The following RAD23B variants were observed in gnomAD, a reference collection of about 807,000 sequenced individuals.
The protein encoded by RAD23B is lysine-specific demethylase RAD23B.
Under a neutral mutation model 49.1 loss-of-function variants are expected in RAD23B, and 5 were observed. That is an observed-to-expected ratio of 0.10 (90% CI 0.05 to 0.21). The LOEUF is 0.21. Ranked by LOEUF, RAD23B falls within the 10% of genes least tolerant of loss-of-function variation. RAD23B has a pLI of 1.00. For synonymous variants in RAD23B, 184 were observed against 165.4 expected (o/e 1.11, Z -0.86); for missense variants, 356 against 486.7 (o/e 0.73, Z 2.53).
At chr9:107,312,630 C>G (rs10978791) in intron 5 of RAD23B, among the ~76,000 whole-genome samples, 24,870 of 152,172 alleles carry the variant, frequency 0.16, 2,413 homozygotes, top group Admixed American at 0.23. Context: ...CTTTGAGGAG[C>G]AGTGTCCTAA....
chr9:107,302,518 A>G (rs1326617473), intron 3 of RAD23B, among the ~76,000 whole-genome samples: 1 of 152,178 alleles, frequency 6.6e-6, no homozygotes, highest in African/African-American at 2.4e-5. Flanking sequence ...AGATTCCTCA[A>G]GACAGAAAAG....
intron 1 of RAD23B, chr9:107,284,087 CCT>C (rs983171984): frequency 2.2e-5 from 22 of 1,005,800 alleles, no homozygotes; most frequent in Non-Finnish European, 1.5e-5. Flanking sequence ...CGCCACTACC[CCT>C]GTGTGGACCT....
chr9:107,283,687 G>C lies in RAD23B; in HGVS notation c.58G>C (p.Glu20Gln), dbSNP rs922886223. Residue 20 changes from glutamate to glutamine, a missense_variant, in exon 1 of 10, where the codon GAG becomes CAG. Glu to Gln is a conservative substitution (Grantham distance 29). This residue lies in a region of RAD23B where 31 missense variants were observed against 23.5 expected (regional missense o/e 1.32). Transcript: ENST00000358015. ...QQTFKIDIDP[E>Q]ETVKALKEKI... ...GACCTTCAAGATAGACATTGACCCCGAGGAGACGGTATGCGCGCGGGCCGG... is the reference window on the plus strand; with the variant it reads ...GACCTTCAAGATAGACATTGACCCCCAGGAGACGGTATGCGCGCGGGCCGG... The C allele has an allele frequency of 1.4e-6, 2 of 1,471,494 alleles. No individual in the cohort carries two copies. The highest frequency in any genetic ancestry group is 1.8e-6 in the Non-Finnish European group (2 of 1,107,956). 91.2% of individuals were successfully genotyped at this position (1,471,494 alleles called of 1,614,324 possible).
At position 107,323,956 on chromosome 9, in the gene RAD23B, A is replaced by G; in HGVS notation, c.884A>G (p.Asn295Ser). The G allele has an allele frequency of 6.2e-7, 1 of 1,612,962 alleles. No individual in the cohort carries two copies. Residue 295 changes from asparagine (N) to serine (S), a missense_variant, in exon 8 of 10, where the codon AAT becomes AGT. By Grantham distance (46) the Asn-to-Ser change is conservative. This residue lies in a region of RAD23B where 148 missense variants were observed against 231.7 expected (regional missense o/e 0.64). Transcript: ENST00000358015. ...FQQMRQIIQQ[N>S]PSLLPALLQQ... is the part of the protein sequence containing the mutation. ...CAGATGAGACAAATTATTCAGCAGA[A>G]TCCTTCCTTGCTTCCAGCGTTACTA...
rs1826780514 is a variant in RAD23B at position 107,306,585 on chromosome 9, A to G, written c.435A>G (p.Gln145=). 6.2e-7 allele frequency: 1 copy of G among 1,614,172 alleles called. No homozygotes were observed. Among genetic ancestry groups the G allele is most frequent in the Non-Finnish European group, 8.5e-7 (1 of 1,180,020 alleles). The change falls in exon 4 of 10, where the codon CAA becomes CAG. Residue 145 remains glutamine, a synonymous_variant. Coordinates refer to ENST00000358015, the MANE Select transcript of RAD23B (RefSeq NM_002874.5). The part of the protein sequence containing the change: ...SEPAPASAAK[Q]EKPAEKPAET... ...CTGCACCTGCTAGTGCAGCTAAACA[A>G]GAGAAGCCTGCAGAAAAGCCAGCAG...
At position 107,325,738 on chromosome 9, in the gene RAD23B, G is replaced by A. The variant is rs369059192; in HGVS notation, c.1116+734G>A. On this transcript the variant is annotated intron_variant, in intron 9 of 9. Transcript: ENST00000358015. The stretch of plus-strand genomic sequence containing the variant: ...CAATATGGATACCTTTTATTTCTTT[G>A]TCTTATTTAACTGCCCTATCTGGAG... 5.3e-5 allele frequency among the ~76,000 whole-genome samples: 8 copies of A among 152,134 alleles called. No homozygotes were observed. The East Asian group carries it at 1.5e-3, about 29-fold the overall frequency.
intron 3 of RAD23B, 25 bp downstream of exon 3, chr9:107,302,139 A>G: frequency 6.2e-7 from 1 of 1,609,008 alleles, no homozygotes. Flanking sequence ...CATTCTGTAT[A>G]TCTTTATGCA....
intron 4 of RAD23B, among the ~76,000 whole-genome samples, chr9:107,308,128 A>T (rs1163730227): frequency 1.3e-5 from 2 of 152,178 alleles, no homozygotes; most frequent in Non-Finnish European, 2.9e-5. Flanking sequence ...TTTTAAAAAA[A>T]AAAAGCTTAC....
intron 5 of RAD23B, among the ~76,000 whole-genome samples, chr9:107,315,054 C>T (rs1019246598): frequency 2.6e-5 from 4 of 152,094 alleles, no homozygotes; most frequent in Non-Finnish European, 5.9e-5. Flanking sequence ...TTGCCTAAGC[C>T]AGTGTCCAGA....
chr9:107,289,973 C>T (rs748571146), intron 1 of RAD23B, among the ~76,000 whole-genome samples: 1 of 152,134 alleles, frequency 6.6e-6, no homozygotes, highest in Non-Finnish European at 1.5e-5. Flanking sequence ...AACTTAAGTT[C>T]ATGAGCACTA....
chr9:107,331,727 A>C lies in RAD23B; in HGVS notation c.*2071A>C. The C allele has an allele frequency of 1.3e-6, 1 of 777,910 alleles. No individual in the cohort carries two copies. The allele number at this position is 777,910 out of a possible 1,614,324, so 48.2% of individuals were successfully genotyped here. On this transcript the variant is annotated 3_prime_UTR_variant, in exon 10 of 10. Coordinates refer to ENST00000358015, the MANE Select transcript of RAD23B (RefSeq NM_002874.5). ...CAGCCTCTTCTTGGAAAGTGACAGC[A>C]GAAGGTGGCATGGAGCTTGTGTCCT...
At position 107,331,688 on chromosome 9, in the gene RAD23B, A is replaced by C. The variant is rs751885444; in HGVS notation, c.*2032A>C. ...ACTCAGATCATAGTGAAAACTGGAA[A>C]CAAAAAAAAAAAACAGCCTCTTCTT... On this transcript the variant is annotated 3_prime_UTR_variant, in exon 10 of 10. Coordinates refer to ENST00000358015, the MANE Select transcript of RAD23B (RefSeq NM_002874.5). The C allele has an allele frequency of 1.5e-6, 1 of 651,594 alleles. No individual in the cohort carries two copies. The highest frequency in any genetic ancestry group is 3.2e-5 in the African/African-American group (1 of 31,278). 40.4% of individuals were successfully genotyped at this position (651,594 alleles called of 1,614,324 possible). A position where few individuals can be genotyped will look rare whatever the true frequency, so the allele number is the denominator to read the frequency against.
rs554213690 is a variant in RAD23B at position 107,319,958 on chromosome 9, A to C, written c.681+1079A>C. On this transcript the variant is annotated intron_variant, in intron 6 of 9. Coordinates refer to ENST00000358015, the MANE Select transcript of RAD23B (RefSeq NM_002874.5). ...CAAAGTCTGAATTGCCCTAAATATCATCTTAAAGTTGCCTGATTCTAACCC... is the reference window on the plus strand; with the variant it reads ...CAAAGTCTGAATTGCCCTAAATATCCTCTTAAAGTTGCCTGATTCTAACCC... Among the ~76,000 whole-genome samples the C allele has an allele frequency of 9.8e-4, 149 of 152,334 alleles. 1 individual carries two copies. The highest frequency in any genetic ancestry group is 3.4e-3 in the African/African-American group (140 of 41,578).
At chr9:107,295,293 AATG>A (rs1245726882) in intron 1 of RAD23B, among the ~76,000 whole-genome samples, 3 of 152,098 alleles carry the variant, frequency 2.0e-5, no homozygotes, top group Admixed American at 6.6e-5. Context: ...TTGTTTTTAA[AATG>A]ATGAAGTATT....
chr9:107,317,103 T>C (rs905177825), intron 5 of RAD23B, among the ~76,000 whole-genome samples: 7 of 149,780 alleles, frequency 4.7e-5, no homozygotes, highest in East Asian at 3.9e-4. Context: ...TGCGTGTGTG[T>C]GTGTGTGTGT....
At chr9:107,306,710 T>G in intron 4 of RAD23B, 63 bp downstream of exon 4, 1 of 1,504,702 alleles carries the variant, frequency 6.6e-7, no homozygotes, top group Non-Finnish European at 9.0e-7. Flanking sequence ...CTTCATGCAT[T>G]TATTTTGATT....
intron 6 of RAD23B, among the ~76,000 whole-genome samples, chr9:107,320,836 C>T (rs1827095598): frequency 6.6e-6 from 1 of 152,168 alleles, no homozygotes; most frequent in South Asian, 2.1e-4. Flanking sequence ...CATTCAAAAA[C>T]ATTGGTTTTA....
chr9:107,325,050 C>T (rs1587865038), intron 9 of RAD23B, 46 bp downstream of exon 9: 1 of 1,553,706 alleles, frequency 6.4e-7, no homozygotes, highest in Non-Finnish European at 8.8e-7. Flanking sequence ...TGGCTGGGCT[C>T]ATGCCTGTAA....
At chr9:107,301,417 A>G (rs796164825) in intron 2 of RAD23B, among the ~76,000 whole-genome samples, 20 of 152,282 alleles carry the variant, frequency 1.3e-4, no homozygotes, top group African/African-American at 4.3e-4. Flanking sequence ...CCTCCTTTTC[A>G]GGGCCTCTTT....
Sources: allele counts gnomAD v4.1 joint callset (sites outside exome capture counted in the v4.1 genomes callset), GRCh38; gene constraint gnomAD v4.1.1; regional missense constraint gnomAD v4.1.1; transcripts MANE v1.5; gene names NCBI Gene and HGNC (gene_info 2026-07-23, HGNC 2026-07-21).